The following TCF12 variants were observed in gnomAD, a reference collection of about 807,000 sequenced individuals.
TCF12 encodes DNA-binding protein HTF4.
A neutral mutation model predicts 86.0 loss-of-function variants in TCF12; 45 were observed. The ratio of observed to expected loss-of-function variants is 0.52; its 90% CI spans 0.41 to 0.67. The LOEUF is 0.67. TCF12 is among the 30% of genes least tolerant of loss of function. TCF12 has a pLI of 0.00. For missense variants in TCF12, 881 were observed against 859.9 expected (o/e 1.02, Z -0.31); for synonymous variants, 330 against 299.6 (o/e 1.10, Z -1.05).
chr15:57,056,147 G>GTA (rs1286300473), intron 3 of TCF12, among the ~76,000 whole-genome samples: 1 of 151,154 alleles, frequency 6.6e-6, no homozygotes, highest in African/African-American at 2.4e-5. Context: ...GTGTGTGTGT[G>GTA]TGTGTGTTTT....
intron 5 of TCF12, among the ~76,000 whole-genome samples, chr15:57,124,324 AAATATTAAATAGTACAGCT>A (rs1263098692): frequency 2.0e-5 from 3 of 152,182 alleles, no homozygotes; most frequent in Admixed American, 2.0e-4. Flanking sequence ...GATGTGAGGA[AAATATTAAATAGTACAGCT>A]ATGACAAACA....
chr15:56,934,056 A>G (rs1410113383), intron 3 of TCF12, among the ~76,000 whole-genome samples: 3 of 152,052 alleles, frequency 2.0e-5, no homozygotes, highest in African/African-American at 7.2e-5. Context: ...AAATGGGGGA[A>G]ATTGAAGCAC....
chr15:57,180,981 A>C (rs2056308735), intron 6 of TCF12, among the ~76,000 whole-genome samples: 1 of 151,224 alleles, frequency 6.6e-6, no homozygotes, highest in African/African-American at 2.4e-5. Flanking sequence ...CGCCCGCCTA[A>C]TTTTTTGTAT....
At chr15:57,181,041 C>T (rs534278911) in intron 6 of TCF12, among the ~76,000 whole-genome samples, 2 of 151,890 alleles carry the variant, frequency 1.3e-5, no homozygotes, top group Non-Finnish European at 2.9e-5. Flanking sequence ...GTCTCAATCT[C>T]CTGACCTCGT....
intron 3 of TCF12, among the ~76,000 whole-genome samples, chr15:57,003,499 T>A (rs1490052699): frequency 6.6e-6 from 1 of 152,170 alleles, no homozygotes; most frequent in Non-Finnish European, 1.5e-5. Context: ...AGGCAGCACT[T>A]ACAATGACTT....
At chr15:57,140,554 G>C (rs553540836) in intron 5 of TCF12, among the ~76,000 whole-genome samples, 29 of 152,300 alleles carry the variant, frequency 1.9e-4, no homozygotes, top group African/African-American at 6.5e-4. Context: ...TGCATTCATA[G>C]ATCTAAGGCC....
intron 13 of TCF12, among the ~76,000 whole-genome samples, chr15:57,250,091 C>A (rs1333331660): frequency 6.6e-6 from 1 of 152,062 alleles, no homozygotes; most frequent in African/African-American, 2.4e-5. Flanking sequence ...AAAGGCTAAA[C>A]AACATCTAAC....
chr15:57,074,302 A>C (rs1457151281), intron 4 of TCF12, among the ~76,000 whole-genome samples: 2 of 151,620 alleles, frequency 1.3e-5, no homozygotes, highest in African/African-American at 4.9e-5. Context: ...CTCATATAGA[A>C]ATCTATACAT....
intron 5 of TCF12, among the ~76,000 whole-genome samples, chr15:57,125,890 A>G (rs1047696237): frequency 6.6e-6 from 1 of 152,194 alleles, no homozygotes. Flanking sequence ...TGAATATGGT[A>G]TTTTATAATC....
intron 13 of TCF12, chr15:57,248,056 A>T (rs567951158): frequency 1.3e-5 from 9 of 703,036 alleles, no homozygotes; most frequent in Non-Finnish European, 2.1e-5. Flanking sequence ...GAGACCAGAC[A>T]ACTGGACTCA....
intron 5 of TCF12, among the ~76,000 whole-genome samples, chr15:57,126,678 G>A (rs1219921908): frequency 6.6e-6 from 1 of 152,040 alleles, no homozygotes; most frequent in Non-Finnish European, 1.5e-5. Context: ...ACCAATCTTG[G>A]TTTACTACCA....
intron 18 of TCF12, among the ~76,000 whole-genome samples, chr15:57,268,320 T>G (rs1251216397): frequency 1.3e-5 from 2 of 152,210 alleles, no homozygotes; most frequent in African/African-American, 2.4e-5. Context: ...TTAAAGGACT[T>G]TTTGAAGTCA....
At chr15:57,060,513 A>T (rs1467425497) in intron 3 of TCF12, among the ~76,000 whole-genome samples, 1 of 152,248 alleles carries the variant, frequency 6.6e-6, no homozygotes, top group Non-Finnish European at 1.5e-5. Context: ...TTAGAAAGTC[A>T]AATAAGGCTC....
rs78695198 is a variant in TCF12 at position 56,966,814 on chromosome 15, T to A, written c.148+45716T>A. 3.9e-4 allele frequency among the ~76,000 whole-genome samples: 59 copies of A among 152,272 alleles called. 2 individuals carry two copies. In the East Asian group the frequency reaches 0.011, roughly 29 times the overall value. On this transcript the variant is annotated intron_variant, in intron 3 of 20. Transcript: ENST00000333725. ...AAGGTATCAAGAACTTATTGAATAG[T>A]AGAAGTATTTTTGGAATAAAAAAGT...
chr15:57,081,594 G>T (rs1420637876), intron 4 of TCF12, among the ~76,000 whole-genome samples: 15 of 152,170 alleles, frequency 9.9e-5, no homozygotes, highest in Non-Finnish European at 8.8e-5. Context: ...TTGGAGTGCA[G>T]TGGCGTGATC....
chr15:57,082,660 C>G (rs1445529721), intron 4 of TCF12, among the ~76,000 whole-genome samples: 1 of 152,106 alleles, frequency 6.6e-6, no homozygotes, highest in Non-Finnish European at 1.5e-5. Context: ...TGGAAGCCAC[C>G]TTTCATAAGT....
intron 5 of TCF12, among the ~76,000 whole-genome samples, chr15:57,142,874 G>A (rs2053080033): frequency 6.6e-6 from 1 of 152,032 alleles, no homozygotes; most frequent in Non-Finnish European, 1.5e-5. Context: ...AATAAATTGA[G>A]GGACATTCTA....
chr15:56,981,576 A>G (rs2062894600), intron 3 of TCF12, among the ~76,000 whole-genome samples: 1 of 152,152 alleles, frequency 6.6e-6, no homozygotes, highest in South Asian at 2.1e-4. Flanking sequence ...AAACACTCAA[A>G]CCATAACACT....
At chr15:56,965,258 A>G (rs1213598419) in intron 3 of TCF12, among the ~76,000 whole-genome samples, 1 of 152,034 alleles carries the variant, frequency 6.6e-6, no homozygotes, top group East Asian at 1.9e-4. Context: ...TTTTCCCAAG[A>G]AGTAAATATT....
Sources: gnomAD v4.1 joint callset for allele counts (sites outside exome capture counted in the v4.1 genomes callset) on GRCh38, gnomAD v4.1.1 for gene constraint, MANE v1.5 for transcripts, NCBI Gene and HGNC (gene_info 2026-07-23, HGNC 2026-07-21) for gene names.